Variants in DPYS observed in about 807,000 individuals in gnomAD.
DPYS encodes the protein dihydropyrimidinase, also known as dihydropyrimidine amidohydrolase.
DPYS carries 39 observed loss-of-function variants against 50.3 expected under a neutral mutation model. That is an observed-to-expected ratio of 0.78 (90% CI 0.60 to 1.01). DPYS has a LOEUF of 1.01. DPYS is among the 50% of genes least tolerant of loss of function. The pLI is 0.00. For missense variants in DPYS, 659 were observed against 680.9 expected (o/e 0.97, Z 0.36); for synonymous variants, 245 against 250.7 (o/e 0.98, Z 0.22).
intron 8 of DPYS, among the ~76,000 whole-genome samples, chr8:104,391,626 C>T (rs1262967115): frequency 2.0e-5 from 3 of 151,968 alleles, no homozygotes; most frequent in Admixed American, 2.0e-4. Flanking sequence ...GTGTGAAAGC[C>T]CCAATATCTC....
intron 7 of DPYS, among the ~76,000 whole-genome samples, chr8:104,398,455 A>G (rs1322093348): frequency 2.6e-5 from 4 of 152,238 alleles, no homozygotes; most frequent in Non-Finnish European, 5.9e-5. Flanking sequence ...GCCCTCCTGG[A>G]GAGTCTATGA....
At chr8:104,396,601 G>A (rs988910155) in intron 7 of DPYS, among the ~76,000 whole-genome samples, 3 of 152,102 alleles carry the variant, frequency 2.0e-5, no homozygotes, top group Non-Finnish European at 4.4e-5. Context: ...TGGAAAAACT[G>A]GTGATAGAGA....
chr8:104,424,017 A>G (rs1812637649), intron 7 of DPYS: 1 of 985,442 alleles, frequency 1.0e-6, no homozygotes, highest in African/African-American at 1.7e-5. Context: ...TTTTATATAC[A>G]GATCCATTGT....
chr8:104,455,624 G>C (rs999076426), intron 1 of DPYS, among the ~76,000 whole-genome samples: 1 of 152,172 alleles, frequency 6.6e-6, no homozygotes, highest in Non-Finnish European at 1.5e-5. Context: ...TACAAGACTA[G>C]GAGAAAATGT....
Position 104,458,272 on chromosome 8 carries a change from C to T in DPYS, c.265-6868G>A, listed in dbSNP as rs558247264. Among the ~76,000 whole-genome samples the T allele has an allele frequency of 6.6e-5, 10 of 152,294 alleles. 1 individual carries two copies. The South Asian group carries it at 2.1e-3, about 32-fold the overall frequency. ...GAGAAAAAACAATTGTTGCCCAACC[C>T]ATAAGGTCCTGCATGACCTGAACTT... On this transcript the variant is annotated intron_variant, in intron 1 of 9. Coordinates refer to ENST00000351513, the MANE Select transcript of DPYS (RefSeq NM_001385.3).
chr8:104,384,289 C>T (rs755631596), intron 8 of DPYS, among the ~76,000 whole-genome samples: 2 of 152,226 alleles, frequency 1.3e-5, no homozygotes, highest in Admixed American at 6.5e-5. Flanking sequence ...TTAATATTTG[C>T]TCATCCTTAG....
chr8:104,410,923 C>T (rs764275541), intron 7 of DPYS, among the ~76,000 whole-genome samples: 5 of 152,106 alleles, frequency 3.3e-5, no homozygotes, highest in Admixed American at 1.3e-4. Flanking sequence ...TCCAGAGCCA[C>T]CTCCAAGGAT....
chr8:104,456,439 C>T lies in DPYS; in HGVS notation c.265-5035G>A, dbSNP rs1031945063. Among the ~76,000 whole-genome samples the T allele has an allele frequency of 5.3e-5, 8 of 152,180 alleles. No homozygotes were observed. In the East Asian group the frequency reaches 1.5e-3, roughly 29 times the overall value. ...TGAAAGCTCTTAAATGAGGGTTGAT[C>T]ACAAATGCTCCACCTTCCTAATTAA... On this transcript the variant is annotated intron_variant, in intron 1 of 9. Coordinates refer to ENST00000351513, the MANE Select transcript of DPYS (RefSeq NM_001385.3).
rs1207445068 is a variant in DPYS, at chr8:104,462,854, C to T, written c.264+3803G>A. Among the ~76,000 whole-genome samples the T allele has an allele frequency of 2.0e-5, 3 of 152,154 alleles. No homozygotes were observed. The East Asian group carries it at 5.8e-4, about 29-fold the overall frequency. ...AAGACCACTGTACATCTGGTATAGA[C>T]CAACAAAATGAAATATGATTTCTTT... On this transcript the variant is annotated intron_variant, in intron 1 of 9. Coordinates refer to ENST00000351513, the MANE Select transcript of DPYS (RefSeq NM_001385.3).
chr8:104,420,373 G>A (rs528405809), intron 7 of DPYS: 4 of 152,220 alleles, frequency 2.6e-5, no homozygotes, highest in Admixed American at 6.5e-5. Context: ...TGCTGTGATC[G>A]ACCCAGACAA....
At chr8:104,400,343 T>G (rs781120279) in intron 7 of DPYS, among the ~76,000 whole-genome samples, 2 of 152,232 alleles carry the variant, frequency 1.3e-5, no homozygotes, top group Non-Finnish European at 2.9e-5. Context: ...AGAAGATCTT[T>G]TCAACTAAAT....
intron 7 of DPYS, among the ~76,000 whole-genome samples, chr8:104,410,762 C>G (rs1241782972): frequency 6.6e-6 from 1 of 152,196 alleles, no homozygotes; most frequent in Non-Finnish European, 1.5e-5. Flanking sequence ...CCTTGGCAGT[C>G]TGACAAGGAC....
chr8:104,406,832 C>A (rs1004835571), intron 7 of DPYS, among the ~76,000 whole-genome samples: 4 of 152,210 alleles, frequency 2.6e-5, no homozygotes, highest in Non-Finnish European at 5.9e-5. Context: ...TAAACACACA[C>A]ACACACATAC....
chr8:104,402,020 G>A (rs986761088), intron 7 of DPYS, among the ~76,000 whole-genome samples: 10 of 152,138 alleles, frequency 6.6e-5, no homozygotes, highest in African/African-American at 2.4e-4. Flanking sequence ...CTTAATGCAG[G>A]TTTATAAAAA....
At chr8:104,446,827 GA>G in intron 3 of DPYS, among the ~76,000 whole-genome samples, 1 of 152,122 alleles carries the variant, frequency 6.6e-6, no homozygotes, top group East Asian at 1.9e-4. Flanking sequence ...ACTAACATGA[GA>G]AATAAATATC....
chr8:104,427,918 C>A (rs1588435633), intron 6 of DPYS, 62 bp downstream of exon 6: 2 of 1,612,356 alleles, frequency 1.2e-6, no homozygotes, highest in Admixed American at 3.3e-5. Context: ...CTCTGGTCCT[C>A]AAATGGGCAG....
At chr8:104,456,399 C>T (rs748919141) in intron 1 of DPYS, among the ~76,000 whole-genome samples, 1 of 152,186 alleles carries the variant, frequency 6.6e-6, no homozygotes, top group Non-Finnish European at 1.5e-5. Flanking sequence ...AATGAAAATT[C>T]TCGGGGCTAC....
intron 1 of DPYS, among the ~76,000 whole-genome samples, chr8:104,458,319 A>G (rs1814001193): frequency 6.6e-6 from 1 of 152,246 alleles, no homozygotes; most frequent in East Asian, 1.9e-4. Flanking sequence ...AAAGCTGTCT[A>G]TTGAGCTATT....
intron 8 of DPYS, among the ~76,000 whole-genome samples, chr8:104,386,528 TA>T (rs559135189): frequency 0.087 from 12,156 of 140,068 alleles, 603 homozygotes; most frequent in African/African-American, 0.14. Flanking sequence ...GTGAGACTCT[TA>T]AAAAAAAAAA....
Sources: gnomAD v4.1 joint callset for allele counts (sites outside exome capture counted in the v4.1 genomes callset) on GRCh38, gnomAD v4.1.1 for gene constraint, MANE v1.5 for transcripts, NCBI Gene and HGNC (gene_info 2026-07-23, HGNC 2026-07-21) for gene names.